The following CDH7 variants were observed in gnomAD, a reference collection of about 807,000 sequenced individuals.
The protein encoded by CDH7 is cadherin-7.
A neutral mutation model predicts 71.8 loss-of-function variants in CDH7; 25 were observed. That is an observed-to-expected ratio of 0.35 (90% CI 0.25 to 0.49). CDH7 has a LOEUF of 0.49. Ranked by LOEUF, CDH7 falls within the 20% of genes least tolerant of loss-of-function variation. The probability of loss-of-function intolerance (pLI) is 0.99; values close to 1 mark genes in which losing one functional copy is unlikely to be tolerated. For synonymous variants in CDH7, 381 were observed against 363.8 expected (o/e 1.05, Z -0.54); for missense variants, 862 against 974.6 (o/e 0.88, Z 1.54).
At chr18:65,860,547 A>G (rs12967018) in intron 10 of CDH7, among the ~76,000 whole-genome samples, 94,289 of 151,986 alleles carry the variant, frequency 0.62, 31,761 homozygotes, top group East Asian at 0.92. Context: ...ATTTTGAATC[A>G]TATGTTCGAA....
rs61208244 is a variant in CDH7 at position 65,854,920 on chromosome 18, C to CGTAT, written c.1236-2896_1236-2895insGTAT. Among the ~76,000 whole-genome samples the CGTAT allele has an allele frequency of 2.6e-3, 377 of 145,520 alleles. 2 individuals are homozygous for CGTAT. The highest frequency in any genetic ancestry group is 7.3e-3 in the African/African-American group (293 of 40,132). ...CGTATGTATGTAGTATATGTGTACA[C>CGTAT]ATATATATATATACACACACATATA... On this transcript the variant is annotated intron_variant, in intron 7 of 11. Coordinates refer to ENST00000397968, the MANE Select transcript of CDH7 (RefSeq NM_004361.5).
In CDH7 at chr18:65,792,252, A is replaced by G. The variant is rs1910741426; in HGVS notation, c.211-17452A>G. 3.4e-5 allele frequency among the ~76,000 whole-genome samples: 5 copies of G among 148,988 alleles called. No homozygotes were observed. In the Admixed American group the frequency reaches 3.4e-4, roughly 10 times the overall value. On this transcript the variant is annotated intron_variant, in intron 2 of 11. Transcript: ENST00000397968. ...GGGAAGACATCTTAGAGAATTTGGG[A>G]AAGAGAAGAAGAAAAGGACAAAGGA...
intron 2 of CDH7, among the ~76,000 whole-genome samples, chr18:65,777,787 G>A (rs542292816): frequency 6.6e-6 from 1 of 152,210 alleles, no homozygotes; most frequent in South Asian, 2.1e-4. Flanking sequence ...TTGTTGCAGT[G>A]TCTCCTTAGA....
chr18:65,795,711 T>C (rs182065836), intron 2 of CDH7, among the ~76,000 whole-genome samples: 90 of 152,332 alleles, frequency 5.9e-4, no homozygotes, highest in African/African-American at 2.1e-3. Context: ...GAAGATTGCA[T>C]GTTCAGGTAA....
chr18:65,883,456 T>A lies in CDH7; in HGVS notation c.*2562T>A, dbSNP rs919208975. 2.2e-4 allele frequency: 33 copies of A among 151,970 alleles called. No homozygotes were observed. Among genetic ancestry groups the A allele is most frequent in the African/African-American group, 7.2e-4 (30 of 41,388 alleles). The allele number at this position is 151,970 out of a possible 1,614,324, so 9.4% of individuals were successfully genotyped here. ...TAAAAACAGTGATTGAAGAGCTGATTGATAAAATTAATATTAAGTCTAGTT... is the reference window on the plus strand; with the variant it reads ...TAAAAACAGTGATTGAAGAGCTGATAGATAAAATTAATATTAAGTCTAGTT... On this transcript the variant is annotated 3_prime_UTR_variant, in exon 12 of 12. Coordinates refer to ENST00000397968, the MANE Select transcript of CDH7 (RefSeq NM_004361.5).
chr18:65,750,574 T>TGC (rs1294694939), upstream of CDH7: 1 of 152,244 alleles, frequency 6.6e-6, no homozygotes, highest in East Asian at 1.9e-4. Flanking sequence ...TGCGCGAGGG[T>TGC]GCGCGCGTGT....
chr18:65,772,458 A>T (rs1350531926), intron 2 of CDH7, among the ~76,000 whole-genome samples: 1 of 152,184 alleles, frequency 6.6e-6, no homozygotes, highest in Non-Finnish European at 1.5e-5. Context: ...TAGGTGGTTA[A>T]CTGATATGTT....
intron 4 of CDH7, among the ~76,000 whole-genome samples, chr18:65,818,558 C>T (rs376203622): frequency 6.6e-6 from 1 of 152,116 alleles, no homozygotes; most frequent in African/African-American, 2.4e-5. Flanking sequence ...CATCATGTAA[C>T]GTAACACTCA....
rs1914430005 is a variant in CDH7, at chr18:65,888,453, CA to C, written c.*7560del. ...TGAAGACTTCTGTTGTCATCATTCT[CA>C]GCTGTGATGGTGGCGCCATCCTGGT... is the stretch of plus-strand genomic sequence containing the variant. On this transcript the variant is annotated 3_prime_UTR_variant, in exon 12 of 12. Transcript: ENST00000397968. 3 of 152,166 alleles carry C rather than the reference CA, an allele frequency of 2.0e-5. No individual in the cohort carries two copies. Among genetic ancestry groups the C allele is most frequent in the Admixed American group, 2.0e-4 (3 of 15,272 alleles). 9.4% of individuals were successfully genotyped at this position (152,166 alleles called of 1,614,324 possible). A position where few individuals can be genotyped will look rare whatever the true frequency, so the allele number is the denominator to read the frequency against.
At chr18:65,750,568 C>G (rs1006430090), upstream of CDH7, 1 of 152,280 alleles carries the variant, frequency 6.6e-6, no homozygotes, top group African/African-American at 2.4e-5. Flanking sequence ...GGAGGGTGCG[C>G]GAGGGTGCGC....
chr18:65,761,473 T>C (rs765236710), intron 1 of CDH7, among the ~76,000 whole-genome samples: 2 of 151,474 alleles, frequency 1.3e-5, no homozygotes, highest in Non-Finnish European at 2.9e-5. Context: ...GTGCATTTTC[T>C]GCCTTAATAG....
chr18:65,827,866 C>T (rs1484908089), intron 6 of CDH7, among the ~76,000 whole-genome samples: 1 of 151,816 alleles, frequency 6.6e-6, no homozygotes, highest in Non-Finnish European at 1.5e-5. Flanking sequence ...TGAAATTTTG[C>T]TGTTTGAAAT....
At chr18:65,879,231 T>C (rs1475598046) in intron 11 of CDH7, among the ~76,000 whole-genome samples, 1 of 152,188 alleles carries the variant, frequency 6.6e-6, no homozygotes, top group Admixed American at 6.5e-5. Context: ...TTTTCAAAAG[T>C]GTTCCTAATG....
chr18:65,805,369 T>G (rs1171710178), intron 2 of CDH7, among the ~76,000 whole-genome samples: 1 of 152,162 alleles, frequency 6.6e-6, no homozygotes, highest in Non-Finnish European at 1.5e-5. Context: ...CCAGCATGCT[T>G]GGACCATAGA....
At chr18:65,760,853 T>TC (rs1916169940) in intron 1 of CDH7, among the ~76,000 whole-genome samples, 1 of 152,142 alleles carries the variant, frequency 6.6e-6, no homozygotes, top group South Asian at 2.1e-4. Flanking sequence ...CCAGATCAAG[T>TC]TTAAGCACGT....
intron 5 of CDH7, among the ~76,000 whole-genome samples, chr18:65,823,838 A>G (rs1467731236): frequency 6.6e-6 from 1 of 151,856 alleles, no homozygotes; most frequent in African/African-American, 2.4e-5. Context: ...TAGATGCAGG[A>G]GGCAGGAAAA....
At chr18:65,784,052 A>C (rs1032636285) in intron 2 of CDH7, among the ~76,000 whole-genome samples, 2 of 150,826 alleles carry the variant, frequency 1.3e-5, no homozygotes, top group Non-Finnish European at 2.9e-5. Context: ...TCCTGGCTCT[A>C]GGGATGCTCC....
At chr18:65,774,820 C>T (rs1002913090) in intron 2 of CDH7, among the ~76,000 whole-genome samples, 5 of 152,012 alleles carry the variant, frequency 3.3e-5, no homozygotes, top group Admixed American at 1.3e-4. Flanking sequence ...CTTGATGGTC[C>T]TGGCTTTATT....
chr18:65,815,867 A>G (rs2170936), intron 4 of CDH7, among the ~76,000 whole-genome samples: 130,795 of 152,174 alleles, frequency 0.86, 57,947 homozygotes, highest in East Asian at 0.99. Flanking sequence ...TTCTATGCCT[A>G]CTCTTGGCAA....
Sources: allele counts gnomAD v4.1 joint callset (sites outside exome capture counted in the v4.1 genomes callset), GRCh38; gene constraint gnomAD v4.1.1; transcripts MANE v1.5; gene names NCBI Gene and HGNC (gene_info 2026-07-23, HGNC 2026-07-21).